FSTL4: variants seen among roughly 807,000 people sequenced by gnomAD.
FSTL4 encodes the protein follistatin-related protein 4.
In FSTL4, 28 loss-of-function variants were observed where a neutral mutation model predicts 78.2. That is an observed-to-expected ratio of 0.36 (90% CI 0.27 to 0.49). FSTL4 has a LOEUF of 0.49. Ranked by LOEUF, FSTL4 falls within the 20% of genes least tolerant of loss-of-function variation. FSTL4 has a pLI of 0.98. For missense variants in FSTL4, 922 were observed against 1,084.9 expected (o/e 0.85, Z 2.11); for synonymous variants, 422 against 440.5 (o/e 0.96, Z 0.53).
rs1755903784 is a variant in FSTL4, at chr5:133,393,313, T to C, written c.409+7425A>G. On this transcript the variant is annotated intron_variant, in intron 4 of 15. Coordinates refer to ENST00000265342, the MANE Select transcript of FSTL4 (RefSeq NM_015082.2). The stretch of plus-strand genomic sequence containing the variant: ...AGCTCCCAAAGGATAACCCAGAGGG[T>C]GGAGATGTGTGGCGTTTCTTTTGGC... Among the ~76,000 whole-genome samples the C allele has an allele frequency of 2.6e-5, 4 of 151,946 alleles. No individual in the cohort carries two copies. In the South Asian group the frequency reaches 8.4e-4, roughly 32 times the overall value.
At chr5:133,211,296 C>T (rs1276200092) in intron 13 of FSTL4, among the ~76,000 whole-genome samples, 1 of 152,204 alleles carries the variant, frequency 6.6e-6, no homozygotes. Context: ...GCCCCCTGCT[C>T]TTCTTCTTGT....
At chr5:133,580,519 A>G (rs140845723) in intron 2 of FSTL4, among the ~76,000 whole-genome samples, 1 of 152,230 alleles carries the variant, frequency 6.6e-6, no homozygotes, top group African/African-American at 2.4e-5. Context: ...AACAAAGGAA[A>G]TGTAGAGAAT....
the FSTL4 span, among the ~76,000 whole-genome samples, chr5:133,697,905 G>A: frequency 7.6e-6 from 1 of 131,842 alleles, no homozygotes; most frequent in South Asian, 2.3e-4. Flanking sequence ...CTGTCACCAG[G>A]GGAAGTACCC....
intron 3 of FSTL4, among the ~76,000 whole-genome samples, chr5:133,423,726 G>C (rs1756747438): frequency 6.6e-6 from 1 of 152,178 alleles, no homozygotes; most frequent in Non-Finnish European, 1.5e-5. Flanking sequence ...GACGTAGTTA[G>C]AAACAGCTCA....
the FSTL4 span, among the ~76,000 whole-genome samples, chr5:133,832,433 G>A: frequency 2.6e-5 from 4 of 152,136 alleles, no homozygotes; most frequent in African/African-American, 9.7e-5. Context: ...ACCACAGATC[G>A]ATGGCAGTCA....
chr5:133,713,040 A>G, the FSTL4 span, among the ~76,000 whole-genome samples: 62 of 152,328 alleles, frequency 4.1e-4, 1 homozygote, highest in African/African-American at 1.3e-3. Flanking sequence ...AATATTTTGA[A>G]AAAGAAATAT....
Position 133,611,172 on chromosome 5 carries a change from G to A in FSTL4, c.-11+1153C>T, listed in dbSNP as rs1331755993. Among the ~76,000 whole-genome samples the A allele has an allele frequency of 9.2e-5, 14 of 152,158 alleles. No individual in the cohort carries two copies. Reference sequence around the variant, plus strand: ...CCGCGGCCGCGAGCGAGGGCTGCTGGACAGCGCCCCGGCACCCGCTCTCGA... The same window carrying A: ...CCGCGGCCGCGAGCGAGGGCTGCTGAACAGCGCCCCGGCACCCGCTCTCGA... On this transcript the variant is annotated intron_variant, in intron 1 of 15. Transcript: ENST00000265342. The surrounding 1 kb of genome is among the most constrained non-coding windows in gnomAD (Gnocchi z 4.9).
rs34238549 is a variant in FSTL4 at position 133,461,542 on chromosome 5, T to TAAACAAACAAAC, written c.161-60568_161-60557dup. Among the ~76,000 whole-genome samples, 7 of 151,232 alleles carry TAAACAAACAAAC rather than the reference T, an allele frequency of 4.6e-5. No individual in the cohort carries two copies. In the East Asian group the frequency reaches 5.8e-4, roughly 13 times the overall value. On this transcript the variant is annotated intron_variant, in intron 3 of 15. Coordinates refer to ENST00000265342, the MANE Select transcript of FSTL4 (RefSeq NM_015082.2). ...GAATGCAAATTTGATTTTTACTCCC[T>TAAACAAACAAAC]AAACAAACAAACAAACAAACAAACA...
rs1284458943 is a variant in FSTL4, at chr5:133,220,797, C to G, written c.1409G>C (p.Cys470Ser). ...DGIIVIHPVD[C>S]EIQRHLKPTE... ...GGGTTTGAGGTGCCTCTGGATCTCA[C>G]AGTCCACAGGATGGATGACGATGAT... The change falls in exon 12 of 16, where the codon TGT becomes TCT. Residue 470 changes from cysteine to serine, a missense_variant. Coordinates refer to ENST00000265342, the MANE Select transcript of FSTL4 (RefSeq NM_015082.2). The G allele has an allele frequency of 6.2e-7, 1 of 1,611,754 alleles. No individual in the cohort carries two copies. The highest frequency in any genetic ancestry group is 8.5e-7 in the Non-Finnish European group (1 of 1,177,914).
the FSTL4 span, among the ~76,000 whole-genome samples, chr5:133,667,758 G>T: frequency 0.65 from 98,495 of 152,120 alleles, 32,723 homozygotes; most frequent in African/African-American, 0.79. Flanking sequence ...ATATTACTTA[G>T]CATCATCTGA....
At chr5:133,739,656 A>G in the FSTL4 span, among the ~76,000 whole-genome samples, 1 of 152,172 alleles carries the variant, frequency 6.6e-6, no homozygotes, top group Non-Finnish European at 1.5e-5. Flanking sequence ...TCGGAGGAAA[A>G]GCTCATGTTT....
chr5:133,783,216 T>A, the FSTL4 span, among the ~76,000 whole-genome samples: 1 of 152,154 alleles, frequency 6.6e-6, no homozygotes, highest in Non-Finnish European at 1.5e-5. Context: ...AGATACCTAC[T>A]CTGCGTCAAC....
chr5:133,449,392 G>C (rs765717897), intron 3 of FSTL4, among the ~76,000 whole-genome samples: 1 of 152,204 alleles, frequency 6.6e-6, no homozygotes, highest in Non-Finnish European at 1.5e-5. Context: ...GTTGTGAGAG[G>C]GAGGCTGGCA....
chr5:133,701,509 A>ACACACCGCC, the FSTL4 span, among the ~76,000 whole-genome samples: 1 of 132,624 alleles, frequency 7.5e-6, no homozygotes, highest in Non-Finnish European at 1.6e-5. Flanking sequence ...ACACACACAC[A>ACACACCGCC]CCCCACAGGC....
At chr5:133,712,000 C>T in the FSTL4 span, among the ~76,000 whole-genome samples, 6 of 152,162 alleles carry the variant, frequency 3.9e-5, no homozygotes, top group African/African-American at 7.2e-5. Flanking sequence ...CAAGGTCACA[C>T]GGCTACAAAA....
rs1226400457 is a variant in FSTL4, at chr5:133,611,632, G to C, written c.-11+693C>G. Among the ~76,000 whole-genome samples the C allele has an allele frequency of 6.6e-6, 1 of 152,138 alleles. No individual in the cohort carries two copies. Among genetic ancestry groups the C allele is most frequent in the Non-Finnish European group, 1.5e-5 (1 of 68,020 alleles). On this transcript the variant is annotated intron_variant, in intron 1 of 15. Transcript: ENST00000265342. This position sits in a 1 kb window ranked among gnomAD's most constrained non-coding sequence, Gnocchi z 4.9. ...CTAGACACGTTCAAGCGGGTACCCC[G>C]GGCCGCTCACTCTGGACCGCGGCCG... is the stretch of plus-strand genomic sequence containing the variant.
At chr5:133,403,412 A>C (rs1009157550) in intron 3 of FSTL4, among the ~76,000 whole-genome samples, 35 of 152,250 alleles carry the variant, frequency 2.3e-4, no homozygotes, top group African/African-American at 8.4e-4. Flanking sequence ...CCCTCTCTGA[A>C]TCCTCCTACC....
At chr5:133,275,032 C>T (rs912225907) in intron 6 of FSTL4, among the ~76,000 whole-genome samples, 4 of 151,798 alleles carry the variant, frequency 2.6e-5, no homozygotes, top group Non-Finnish European at 4.4e-5. Flanking sequence ...GAGGCCGAGG[C>T]GGGTGGATCA....
chr5:133,432,304 C>T (rs927195555), intron 3 of FSTL4, among the ~76,000 whole-genome samples: 2 of 152,208 alleles, frequency 1.3e-5, no homozygotes, highest in African/African-American at 4.8e-5. Flanking sequence ...CCTCTCTAAA[C>T]ATTAGCTAAT....
Sources: allele counts gnomAD v4.1 joint callset (sites outside exome capture counted in the v4.1 genomes callset), GRCh38; gene constraint gnomAD v4.1.1; non-coding constraint Gnocchi (gnomAD v3.1); transcripts MANE v1.5; gene names NCBI Gene and HGNC (gene_info 2026-07-23, HGNC 2026-07-21).